The following TJP3 variants were observed in gnomAD, a reference collection of about 807,000 sequenced individuals.
TJP3 encodes tight junction protein 3.
In TJP3, 85 loss-of-function variants were observed where a neutral mutation model predicts 104.2. The ratio of observed to expected loss-of-function variants is 0.82; its 90% CI spans 0.68 to 0.98. The LOEUF (loss-of-function observed/expected upper bound fraction) is 0.98, where lower values mean the gene tolerates loss of function less well. TJP3 is among the 50% of genes least tolerant of loss of function. TJP3 has a pLI of 0.00. For missense variants in TJP3, 1,367 were observed against 1,322.8 expected, an observed-to-expected ratio of 1.03 and a Z score of -0.52; for synonymous variants, 550 against 550.6, an observed-to-expected ratio of 1.00 and a Z score of 0.02.
chr19:3,725,048 C>T (rs1227039197), intron 1 of TJP3, among the ~76,000 whole-genome samples: 6 of 152,020 alleles, frequency 3.9e-5, no homozygotes, highest in Non-Finnish European at 7.4e-5. Context: ...ATCGCTTGGG[C>T]CCAGGAATTT....
chr19:3,716,801 A>ATTTTTTTTT (rs1215459660), intron 1 of TJP3, among the ~76,000 whole-genome samples: 1 of 81,972 alleles, frequency 1.2e-5, no homozygotes, highest in African/African-American at 4.9e-5. Context: ...ATATATATAT[A>ATTTTTTTTT]TTTTTTTTTT....
rs748621478 is a variant in TJP3 at position 3,728,338 on chromosome 19, G to A, written c.-9-86G>A. The A allele has an allele frequency of 8.1e-6, 13 of 1,607,672 alleles. No homozygotes were observed. The Admixed American group carries it at 2.2e-4, about 27-fold the overall frequency. Reference sequence around the variant, plus strand: ...TCCAAACACAGGCCTGTCAGAGCTGGACTCCCCACCCTGAGCTGGGGACCC... The same window carrying A: ...TCCAAACACAGGCCTGTCAGAGCTGAACTCCCCACCCTGAGCTGGGGACCC... On this transcript the variant is annotated intron_variant, in intron 1 of 20. Coordinates refer to ENST00000541714, the MANE Select transcript of TJP3 (RefSeq NM_001267560.2).
intron 15 of TJP3, among the ~76,000 whole-genome samples, chr19:3,745,743 TTG>T (rs2036878693): frequency 6.6e-6 from 1 of 152,134 alleles, no homozygotes; most frequent in Admixed American, 6.5e-5. Flanking sequence ...AAGTGGCCTG[TTG>T]TCTCTGAGCC....
In TJP3 at chr19:3,748,006, C is replaced by T; in HGVS notation, c.2535C>T (p.Ser845=). The T allele has an allele frequency of 6.2e-7, 1 of 1,609,008 alleles. No homozygotes were observed. The highest frequency in any genetic ancestry group is 2.2e-5 in the East Asian group (1 of 44,644). The change falls in exon 19 of 21, where the codon TCC becomes TCT. Residue 845 remains serine (S), a synonymous_variant. Transcript: ENST00000541714. ...DEPPAPALAR[S]SEPVQADESQ... The stretch of plus-strand genomic sequence containing the variant: ...CCCCGGCTCCAGCCCTGGCCCGGTC[C>T]TCGGAGCCCGTGCAGGCAGATGAGT...
intron 1 of TJP3, among the ~76,000 whole-genome samples, chr19:3,711,206 A>ATT (rs1411909900): frequency 1.9e-5 from 1 of 52,310 alleles, no homozygotes; most frequent in Non-Finnish European, 3.8e-5. Flanking sequence ...GCCTTATTTT[A>ATT]TTTTTTTTTG....
At position 3,747,755 on chromosome 19, in the gene TJP3, T is replaced by C. The variant is rs1268788829; in HGVS notation, c.2323-39T>C. 4.0e-6 allele frequency: 6 copies of C among 1,503,734 alleles called. No individual in the cohort carries two copies. The Admixed American group carries it at 1.2e-4, about 31-fold the overall frequency. 93.1% of individuals were successfully genotyped at this position (1,503,734 alleles called of 1,614,324 possible). On this transcript the variant is annotated intron_variant, in intron 18 of 20. Coordinates refer to ENST00000541714, the MANE Select transcript of TJP3 (RefSeq NM_001267560.2). The stretch of plus-strand genomic sequence containing the variant: ...ATGTCGTGGGTGGCAGCTGGGGTCC[T>C]GGCCAGGGCCAGCCGCAGCATCCAC...
At chr19:3,733,025 C>T (rs866337492) in intron 6 of TJP3, among the ~76,000 whole-genome samples, 43 of 108,770 alleles carry the variant, frequency 4.0e-4, no homozygotes, top group African/African-American at 1.3e-3. Context: ...CTTTTCTCTT[C>T]TCTTTTTTCT....
Position 3,728,656 on chromosome 19 carries a change from G to C in TJP3, c.101G>C (p.Gly34Ala). 6.2e-7 allele frequency: 1 copy of C among 1,613,790 alleles called. No homozygotes were observed. The highest frequency in any genetic ancestry group is 8.5e-7 in the Non-Finnish European group (1 of 1,179,984). ...IAISGGRDRPGGSMVVSDVVP... is the reference protein window; with the variant it reads ...IAISGGRDRPAGSMVVSDVVP... The stretch of plus-strand genomic sequence containing the variant: ...ATCTCTGGAGGCCGAGACCGGCCCG[G>C]TGGATCCATGGTTGTATCTGACGTG... Residue 34 changes from glycine (G) to alanine (A), a missense_variant, in exon 3 of 21, where the codon GGT (glycine) becomes GCT (alanine). Physicochemically the swap from Gly to Ala is moderately conservative, Grantham distance 60 (BLOSUM62 0). Coordinates refer to ENST00000541714, the MANE Select transcript of TJP3 (RefSeq NM_001267560.2).
At chr19:3,724,599 C>T (rs111397218) in intron 1 of TJP3, among the ~76,000 whole-genome samples, 11,836 of 152,196 alleles carry the variant, frequency 0.078, 715 homozygotes, top group South Asian at 0.24. Flanking sequence ...TGCAGAGGCA[C>T]GATCACAATT....
intron 1 of TJP3, among the ~76,000 whole-genome samples, chr19:3,727,857 A>G (rs1418521079): frequency 2.0e-5 from 3 of 151,942 alleles, no homozygotes; most frequent in African/African-American, 4.8e-5. Context: ...CAGGAGAATC[A>G]CTTGAACTTG....
Position 3,735,626 on chromosome 19 carries a change from T to A in TJP3, c.1047T>A (p.Asp349Glu), listed in dbSNP as rs1568384280. The A allele has an allele frequency of 1.9e-6, 3 of 1,614,184 alleles. No homozygotes were observed. The highest frequency in any genetic ancestry group is 2.5e-6 in the Non-Finnish European group (3 of 1,180,032). Residue 349 changes from aspartate (D) to glutamate (E), a missense_variant, in exon 9 of 21, where the codon GAT becomes GAA. Transcript: ENST00000541714. ...SVDSRTISEP[D>E]EQRSELPRES... ...ATTCCAGAACCATCTCGGAACCAGATGAGCAACGGTCAGGTGGGTGGTGAC... is the reference window on the plus strand; with the variant it reads ...ATTCCAGAACCATCTCGGAACCAGAAGAGCAACGGTCAGGTGGGTGGTGAC...
chr19:3,732,527 T>C (rs1180067833), intron 6 of TJP3, among the ~76,000 whole-genome samples: 1 of 151,894 alleles, frequency 6.6e-6, no homozygotes, highest in African/African-American at 2.4e-5. Context: ...TTTTTTTTTT[T>C]CAGACAGAGT....
At chr19:3,720,867 C>G (rs367779291) in intron 1 of TJP3, among the ~76,000 whole-genome samples, 1 of 149,828 alleles carries the variant, frequency 6.7e-6, no homozygotes, top group Non-Finnish European at 1.5e-5. Context: ...TCCTTCGTTC[C>G]TTCCTTCCTT....
chr19:3,732,405 A>G (rs923908975), intron 6 of TJP3, among the ~76,000 whole-genome samples: 2 of 152,044 alleles, frequency 1.3e-5, no homozygotes, highest in Middle Eastern at 3.2e-3. Context: ...AAAGGATGGT[A>G]TCTTTCTGGA....
Position 3,730,118 on chromosome 19 carries a change from G to A in TJP3, c.249G>A (p.Lys83=). 1 of 1,614,138 alleles carries A rather than the reference G, an allele frequency of 6.2e-7. No individual in the cohort carries two copies. The highest frequency in any genetic ancestry group is 2.2e-5 in the East Asian group (1 of 44,876). ...TTCAGATACTCAAGACCTGCACCAA[G>A]ATGGCCAACATCGTGAGTAGGCAGC... ...FAIQILKTCT[K]MANITVKRPR... Residue 83 remains lysine (K), a synonymous_variant, in exon 4 of 21, where the codon AAG becomes AAA. Coordinates refer to ENST00000541714, the MANE Select transcript of TJP3 (RefSeq NM_001267560.2). The surrounding 1 kb of genome is among the most constrained non-coding windows in gnomAD (Gnocchi z 7.3).
At chr19:3,720,414 A>G (rs1191405856) in intron 1 of TJP3, among the ~76,000 whole-genome samples, 1 of 152,066 alleles carries the variant, frequency 6.6e-6, no homozygotes, top group Non-Finnish European at 1.5e-5. Flanking sequence ...CCAACCTTCA[A>G]ATCCCCAGCT....
chr19:3,743,199 G>A (rs1196596736), intron 14 of TJP3, among the ~76,000 whole-genome samples: 1 of 152,180 alleles, frequency 6.6e-6, no homozygotes, highest in African/African-American at 2.4e-5. Flanking sequence ...GGAAGGTGAA[G>A]GTTGCAGTGA....
chr19:3,747,933 G>A lies in TJP3; in HGVS notation c.2462G>A (p.Gly821Asp), dbSNP rs1229047013. 2 of 1,613,152 alleles carry A rather than the reference G, an allele frequency of 1.2e-6. No individual in the cohort carries two copies. Among genetic ancestry groups the A allele is most frequent in the African/African-American group, 1.3e-5 (1 of 75,008 alleles). ...GEGGAYTDGE[G>D]YTDGEGGPYT... The stretch of plus-strand genomic sequence containing the variant: ...GGCGGCGCGTACACGGATGGCGAGG[G>A]CTACACAGACGGCGAGGGGGGGCCC... The change falls in exon 19 of 21, where the codon GGC becomes GAC. Residue 821 changes from glycine (G) to aspartate (D), a missense_variant. By Grantham distance (94) the Gly-to-Asp change is moderately conservative (BLOSUM62 -1). Coordinates refer to ENST00000541714, the MANE Select transcript of TJP3 (RefSeq NM_001267560.2).
chr19:3,715,232 G>A (rs2036466937), intron 1 of TJP3, among the ~76,000 whole-genome samples: 1 of 152,002 alleles, frequency 6.6e-6, no homozygotes, highest in South Asian at 2.1e-4. Flanking sequence ...TGGGACTACA[G>A]GCGCCCGCCA....
Sources: allele counts gnomAD v4.1 joint callset (sites outside exome capture counted in the v4.1 genomes callset), GRCh38; gene constraint gnomAD v4.1.1; non-coding constraint Gnocchi (gnomAD v3.1); transcripts MANE v1.5; gene names NCBI Gene and HGNC (gene_info 2026-07-23, HGNC 2026-07-21).